STON1: variants seen among roughly 807,000 people sequenced by gnomAD.
STON1 encodes the protein stonin-1.
In STON1, 79 loss-of-function variants were observed where a neutral mutation model predicts 60.9. The ratio of observed to expected loss-of-function variants is 1.30; its 90% CI spans 1.08 to 1.56. The LOEUF is 1.56. Among genes scored for constraint, STON1 ranks in the 40% most tolerant of loss-of-function variants. The pLI, the probability that STON1 is intolerant of heterozygous loss-of-function variation, is 0.00. For synonymous variants in STON1, 363 were observed against 306.9 expected, an observed-to-expected ratio of 1.18 and a Z score of -1.91; for missense variants, 1,166 against 858.9, an observed-to-expected ratio of 1.36 and a Z score of -4.47.
chr2:48,595,224 A>G lies in STON1; in HGVS notation c.2134-4A>G, dbSNP rs1291680791. On this transcript the variant is annotated splice_region_variant and splice_polypyrimidine_tract_variant and intron_variant, in intron 3 of 3. Transcript: ENST00000404752. ...GCTGCCTGTGTTTTGCTTTTGCATA[A>G]CAGGTTGAAATAGAAAAGAAGTGGA... 2 of 1,613,210 alleles carry G rather than the reference A, an allele frequency of 1.2e-6. No homozygotes were observed. Among genetic ancestry groups the G allele is most frequent in the Non-Finnish European group, 1.7e-6 (2 of 1,179,248 alleles).
intron 1 of STON1, among the ~76,000 whole-genome samples, chr2:48,536,838 T>G (rs1185431828): frequency 1.3e-5 from 2 of 152,216 alleles, no homozygotes; most frequent in African/African-American, 2.4e-5. Flanking sequence ...TATAAATGTC[T>G]TCTACAACTT....
At chr2:48,562,181 CTT>C (rs1054179498) in intron 1 of STON1, among the ~76,000 whole-genome samples, 11 of 152,162 alleles carry the variant, frequency 7.2e-5, no homozygotes, top group African/African-American at 2.7e-4. Flanking sequence ...TTTGATTAGT[CTT>C]TTTCCCAGTT....
rs1673947128 is a variant in STON1, at chr2:48,582,434, G to T, written c.1801G>T (p.Ala601Ser). 1 of 1,614,196 alleles carries T rather than the reference G, an allele frequency of 6.2e-7. No individual in the cohort carries two copies. Residue 601 changes from alanine to serine, a missense_variant, in exon 2 of 4, where the codon GCA becomes TCA. Ala to Ser is a moderately conservative substitution (Grantham distance 99). Transcript: ENST00000404752. ...KSLKAKMNRR[A>S]CLGSLQELES... ...TCTGAAAGCTAAAATGAACCGCCGA[G>T]CATGTCTGGGGAGTTTACAGGAACT...
intron 1 of STON1, among the ~76,000 whole-genome samples, chr2:48,542,971 C>CTT (rs761874001): frequency 4.9e-4 from 52 of 105,452 alleles, no homozygotes; most frequent in Non-Finnish European, 6.1e-4. Context: ...AATATCTTGA[C>CTT]TTTTTTTTTT....
At chr2:48,535,443 G>A (rs527570553) in intron 1 of STON1, among the ~76,000 whole-genome samples, 1 of 152,262 alleles carries the variant, frequency 6.6e-6, no homozygotes, top group South Asian at 2.1e-4. Flanking sequence ...CAGGCAAGCA[G>A]CTCCTGGGAT....
chr2:48,533,225 C>T (rs62135196), intron 1 of STON1, among the ~76,000 whole-genome samples: 23,769 of 151,558 alleles, frequency 0.16, 2,115 homozygotes, highest in Middle Eastern at 0.26. Flanking sequence ...CTACTAAAAA[C>T]ACAAAAATTA....
Position 48,560,599 on chromosome 2 carries a change from A to G in STON1, c.-47-19988A>G, listed in dbSNP as rs191898728. On this transcript the variant is annotated intron_variant, in intron 1 of 3. Coordinates refer to ENST00000404752, the MANE Select transcript of STON1 (RefSeq NM_006873.4). Reference sequence around the variant, plus strand: ...ACATTTTTTGGAGAGTAGGAAGCCCAGGGGTCCTCTTCGTGCTGCTCCTGA... The same window carrying G: ...ACATTTTTTGGAGAGTAGGAAGCCCGGGGGTCCTCTTCGTGCTGCTCCTGA... Among the ~76,000 whole-genome samples, 4 of 152,290 alleles carry G rather than the reference A, an allele frequency of 2.6e-5. No individual in the cohort carries two copies. In the East Asian group the frequency reaches 7.7e-4, roughly 29 times the overall value.
rs1394086476 is a variant in STON1, at chr2:48,537,137, A to G, written c.-48+6921A>G. On this transcript the variant is annotated intron_variant, in intron 1 of 3. Coordinates refer to ENST00000404752, the MANE Select transcript of STON1 (RefSeq NM_006873.4). ...CATACTGCATTGGGGTAGATGGTCC[A>G]GTACAGTGTTCAATAGAACTGTGAT... Among the ~76,000 whole-genome samples, 4 of 152,302 alleles carry G rather than the reference A, an allele frequency of 2.6e-5. No individual in the cohort carries two copies. In the South Asian group the frequency reaches 6.2e-4, roughly 24 times the overall value.
At chr2:48,566,421 C>T (rs1247324435) in intron 1 of STON1, among the ~76,000 whole-genome samples, 1 of 150,768 alleles carries the variant, frequency 6.6e-6, no homozygotes, top group Non-Finnish European at 1.5e-5. Flanking sequence ...GGTGATCTGC[C>T]CACCTCAGTC....
At chr2:48,543,108 G>A (rs1165591046) in intron 1 of STON1, among the ~76,000 whole-genome samples, 1 of 151,440 alleles carries the variant, frequency 6.6e-6, no homozygotes, top group Non-Finnish European at 1.5e-5. Flanking sequence ...CTGAGTAGCT[G>A]GGATTACAGG....
rs1672265881 is a variant in STON1, at chr2:48,555,073, C to T, written c.-48+24857C>T. Among the ~76,000 whole-genome samples, 4 of 62,228 alleles carry T rather than the reference C, an allele frequency of 6.4e-5. 1 individual carries two copies. The South Asian group carries it at 2.6e-3, about 40-fold the overall frequency. The allele number at this position is 62,228 out of a possible 152,430, so 40.8% of individuals were successfully genotyped here. ...GTCACAGATCAACAGGATCCCAAGACAGAGGAATTTTTCTTAGTGCAGAAC... is the reference window on the plus strand; with the variant it reads ...GTCACAGATCAACAGGATCCCAAGATAGAGGAATTTTTCTTAGTGCAGAAC... On this transcript the variant is annotated intron_variant, in intron 1 of 3. Transcript: ENST00000404752.
In STON1 at chr2:48,581,167, G is replaced by C; in HGVS notation, c.534G>C (p.Glu178Asp). Reference protein sequence around the residue: ...DDLPQFQYFREDCAFSSPFWK... With the variant: ...DDLPQFQYFRDDCAFSSPFWK... ...TCCCCCAGTTTCAGTATTTTCGAGA[G>C]GACTGTGCTTTTTCAAGTCCATTTT... Residue 178 changes from glutamate to aspartate, a missense_variant, in exon 2 of 4, where the codon GAG becomes GAC. Glu to Asp is a conservative substitution (Grantham distance 45, BLOSUM62 2). Coordinates refer to ENST00000404752, the MANE Select transcript of STON1 (RefSeq NM_006873.4). The C allele has an allele frequency of 6.5e-7, 1 of 1,546,642 alleles. No individual in the cohort carries two copies. The highest frequency in any genetic ancestry group is 8.7e-7 in the Non-Finnish European group (1 of 1,153,812).
rs1248517344 is a variant in STON1 at position 48,557,698 on chromosome 2, C to G, written c.-47-22889C>G. ...CTGCAATCCCGGCACCTCGGGAGGC[C>G]GAGGTTGGCGGATCACTCGCGGTTA... On this transcript the variant is annotated intron_variant, in intron 1 of 3. Transcript: ENST00000404752. Among the ~76,000 whole-genome samples, 13 of 68,982 alleles carry G rather than the reference C, an allele frequency of 1.9e-4. 3 individuals carry two copies. The highest frequency in any genetic ancestry group is 4.2e-4 in the Non-Finnish European group (13 of 31,132). The allele number at this position is 68,982 out of a possible 152,430, so 45.3% of individuals were successfully genotyped here.
chr2:48,553,015 T>C (rs1672165717), intron 1 of STON1, among the ~76,000 whole-genome samples: 1 of 152,136 alleles, frequency 6.6e-6, no homozygotes, highest in African/African-American at 2.4e-5. Context: ...CTGCTCCATG[T>C]GGCTTCTCTA....
intron 1 of STON1, among the ~76,000 whole-genome samples, chr2:48,571,119 G>A (rs1265134548): frequency 6.6e-6 from 1 of 152,138 alleles, no homozygotes; most frequent in East Asian, 1.9e-4. Flanking sequence ...GCCTTCCAAA[G>A]TGCTGGGATT....
intron 1 of STON1, among the ~76,000 whole-genome samples, chr2:48,577,229 C>G (rs1402848321): frequency 6.6e-6 from 1 of 151,706 alleles, no homozygotes; most frequent in Non-Finnish European, 1.5e-5. Context: ...CTGTCATATC[C>G]AAGAAATCAT....
intron 1 of STON1, among the ~76,000 whole-genome samples, chr2:48,536,050 G>A (rs536814589): frequency 6.6e-6 from 1 of 152,126 alleles, no homozygotes; most frequent in South Asian, 2.1e-4. Flanking sequence ...TCAGGCCACT[G>A]CACTCCAGCC....
At chr2:48,550,277 C>G (rs1056794332) in intron 1 of STON1, among the ~76,000 whole-genome samples, 3 of 152,022 alleles carry the variant, frequency 2.0e-5, no homozygotes, top group African/African-American at 7.2e-5. Context: ...GGGAGTGGAT[C>G]ACCTGAGGTC....
chr2:48,579,557 TTATTCCATTGTGG>T (rs1425781682), intron 1 of STON1, among the ~76,000 whole-genome samples: 2 of 152,250 alleles, frequency 1.3e-5, no homozygotes, highest in African/African-American at 2.4e-5. Flanking sequence ...ATTTCTAGTT[TTATTCCATTGTGG>T]TTAGAAAAAA....
Sources: gnomAD v4.1 joint callset for allele counts (sites outside exome capture counted in the v4.1 genomes callset) on GRCh38, gnomAD v4.1.1 for gene constraint, MANE v1.5 for transcripts, NCBI Gene and HGNC (gene_info 2026-07-23, HGNC 2026-07-21) for gene names.